Variants in TRAPPC12 observed in about 807,000 individuals in gnomAD.
The protein encoded by TRAPPC12 is TPR repeat protein 15.
A neutral mutation model predicts 69.2 loss-of-function variants in TRAPPC12; 61 were observed. The ratio of observed to expected loss-of-function variants is 0.88; its 90% CI spans 0.72 to 1.09. TRAPPC12 has a LOEUF of 1.09. TRAPPC12 is among the 50% of genes least tolerant of loss of function. The pLI is 0.00. For synonymous variants in TRAPPC12, 469 were observed against 438.9 expected, an observed-to-expected ratio of 1.07 and a Z score of -0.86; for missense variants, 1,101 against 1,016.4, an observed-to-expected ratio of 1.08 and a Z score of -1.13.
intron 5 of TRAPPC12, among the ~76,000 whole-genome samples, chr2:3,435,305 C>T (rs766859802): frequency 4.6e-5 from 7 of 152,328 alleles, no homozygotes; most frequent in East Asian, 3.9e-4. Flanking sequence ...TGAGCCACCG[C>T]GCCCAGCTGA....
chr2:3,465,704 G>A lies in TRAPPC12; in HGVS notation c.1776+9G>A. 1.9e-6 allele frequency: 3 copies of A among 1,605,708 alleles called. No homozygotes were observed. Among genetic ancestry groups the A allele is most frequent in the Non-Finnish European group, 2.6e-6 (3 of 1,172,348 alleles). On this transcript the variant is annotated intron_variant, in intron 9 of 11. Transcript: ENST00000324266. ...GCCGGATTTCCCTGCAGGTACCTGT[G>A]CACGGTCAGACATGAGCCAGAAAGG...
At position 3,379,701 on chromosome 2, in the gene TRAPPC12, G is replaced by A. The variant is rs1572503635; in HGVS notation, c.-180G>A. ...TTCCGGCCTGGGGGCAGGGCCTCGG[G>A]TTCCTGCATCGGGCCTGAGCAGAAC... is the stretch of plus-strand genomic sequence containing the variant. On this transcript the variant is annotated 5_prime_UTR_variant, in exon 1 of 12. Coordinates refer to ENST00000324266, the MANE Select transcript of TRAPPC12 (RefSeq NM_016030.6). 1 of 152,452 alleles carries A rather than the reference G, an allele frequency of 6.6e-6. No homozygotes were observed. The highest frequency in any genetic ancestry group is 1.9e-4 in the East Asian group (1 of 5,172). The allele number at this position is 152,452 out of a possible 1,614,324, so 9.4% of individuals were successfully genotyped here.
chr2:3,383,134 A>G (rs1027583389), intron 1 of TRAPPC12, among the ~76,000 whole-genome samples: 7 of 151,996 alleles, frequency 4.6e-5, no homozygotes, highest in African/African-American at 1.4e-4. Context: ...CTAATGGATC[A>G]TTTAGTGTGC....
intron 9 of TRAPPC12, among the ~76,000 whole-genome samples, chr2:3,474,666 G>T (rs1037895427): frequency 6.6e-6 from 1 of 152,206 alleles, no homozygotes; most frequent in East Asian, 1.9e-4. Context: ...TCTGGTTTGC[G>T]TGTGCACAGG....
intron 1 of TRAPPC12, among the ~76,000 whole-genome samples, chr2:3,383,934 T>C (rs1438499101): frequency 1.6e-5 from 2 of 129,010 alleles, no homozygotes; most frequent in Non-Finnish European, 3.1e-5. Context: ...TCGCTGCTGT[T>C]GCCCAGGCTG....
At chr2:3,392,271 A>G (rs2103442977) in intron 2 of TRAPPC12, among the ~76,000 whole-genome samples, 1 of 145,168 alleles carries the variant, frequency 6.9e-6, no homozygotes, top group South Asian at 2.3e-4. Context: ...TTCACCAGCA[A>G]GCCTGCCATG....
chr2:3,476,048 C>T (rs374487741), intron 9 of TRAPPC12, among the ~76,000 whole-genome samples: 2 of 152,168 alleles, frequency 1.3e-5, no homozygotes, highest in African/African-American at 2.4e-5. Flanking sequence ...CTTTTTAGTC[C>T]GCAAGTGGGA....
rs369249661 is a variant in TRAPPC12 at position 3,465,537 on chromosome 2, C to A, written c.1678-60C>A. The A allele has an allele frequency of 1.2e-4, 138 of 1,152,286 alleles. No homozygotes were observed. The African/African-American group carries it at 1.9e-3, about 15-fold the overall frequency. The allele number at this position is 1,152,286 out of a possible 1,614,324, so 71.4% of individuals were successfully genotyped here. On this transcript the variant is annotated intron_variant, in intron 8 of 11. Coordinates refer to ENST00000324266, the MANE Select transcript of TRAPPC12 (RefSeq NM_016030.6). ...CTGTATACACTTGTGCTCTTCTACA[C>A]GTGTGAAACCCACAGTGCTGTTCTC...
intron 9 of TRAPPC12, among the ~76,000 whole-genome samples, chr2:3,470,091 G>A (rs1665995240): frequency 6.6e-6 from 1 of 152,240 alleles, no homozygotes; most frequent in Non-Finnish European, 1.5e-5. Context: ...CGGGGAGAAA[G>A]CTAGGAAATG....
intron 1 of TRAPPC12, among the ~76,000 whole-genome samples, chr2:3,385,947 G>A (rs2103423267): frequency 6.6e-6 from 1 of 152,250 alleles, no homozygotes; most frequent in Non-Finnish European, 1.5e-5. Context: ...TTTGTTCTTC[G>A]GGCTCCCGGT....
At chr2:3,475,379 C>CT (rs1666249690) in intron 9 of TRAPPC12, among the ~76,000 whole-genome samples, 1 of 151,930 alleles carries the variant, frequency 6.6e-6, no homozygotes, top group Non-Finnish European at 1.5e-5. Context: ...TCCCAAAGGG[C>CT]TGAGATTACA....
intron 9 of TRAPPC12, among the ~76,000 whole-genome samples, chr2:3,475,853 C>T (rs192585913): frequency 9.2e-5 from 14 of 152,322 alleles, no homozygotes; most frequent in Admixed American, 7.2e-4. Flanking sequence ...CCCAGGCTGT[C>T]GCGAGGGTCA....
At chr2:3,418,038 C>CAAAAAAA (rs1158063900) in intron 3 of TRAPPC12, among the ~76,000 whole-genome samples, 7 of 70,170 alleles carry the variant, frequency 1.0e-4, no homozygotes, top group African/African-American at 2.7e-4. Flanking sequence ...GACTCTGTCT[C>CAAAAAAA]AAAAAAAAAA....
chr2:3,387,740 C>T lies in TRAPPC12; in HGVS notation c.117C>T (p.Gly39=), dbSNP rs752727223. ...LLFQEETIDL[G]GDEFGSEENE... ...TCCAGGAGGAAACCATCGATCTTGG[C>T]GGAGATGAGTTTGGATCCGAAGAGA... The change falls in exon 2 of 12, where the codon GGC becomes GGT. Residue 39 remains glycine, a synonymous_variant. Coordinates refer to ENST00000324266, the MANE Select transcript of TRAPPC12 (RefSeq NM_016030.6). 13 of 1,609,404 alleles carry T rather than the reference C, an allele frequency of 8.1e-6. No individual in the cohort carries two copies. Among genetic ancestry groups the T allele is most frequent in the African/African-American group, 2.7e-5 (2 of 74,752 alleles).
chr2:3,402,155 T>G (rs769129475), intron 3 of TRAPPC12, among the ~76,000 whole-genome samples: 18 of 152,256 alleles, frequency 1.2e-4, no homozygotes, highest in Non-Finnish European at 2.4e-4. Context: ...TTGAGTTTGC[T>G]TCATCATATA....
rs189368429 is a variant in TRAPPC12 at position 3,403,985 on chromosome 2, C to G, written c.1164+2092C>G. Among the ~76,000 whole-genome samples the G allele has an allele frequency of 1.8e-4, 28 of 152,322 alleles. No individual in the cohort carries two copies. The East Asian group carries it at 5.2e-3, about 28-fold the overall frequency. ...GTAACAAAATTTTTTCCTTAATTGA[C>G]TAGTTCTCTTGAATTCAGACAAATC... On this transcript the variant is annotated intron_variant, in intron 3 of 11. Transcript: ENST00000324266.
chr2:3,474,138 C>T (rs1175893301), intron 9 of TRAPPC12, among the ~76,000 whole-genome samples: 1 of 152,188 alleles, frequency 6.6e-6, no homozygotes, highest in African/African-American at 2.4e-5. Context: ...AGAACTGGAG[C>T]TCTCCCCCAC....
Position 3,388,590 on chromosome 2 carries a change from G to A in TRAPPC12, c.967G>A (p.Val323Met), listed in dbSNP as rs1301266120. The change falls in exon 2 of 12, where the codon GTG becomes ATG. Residue 323 changes from valine to methionine, a missense_variant. By Grantham distance (21) the Val-to-Met change is conservative. Coordinates refer to ENST00000324266, the MANE Select transcript of TRAPPC12 (RefSeq NM_016030.6). ...GEATRGVLRAVATQQRGAVFV... is the reference protein window; with the variant it reads ...GEATRGVLRAMATQQRGAVFV... ...GGCTACGCGTGGAGTCCTGCGGGCC[G>A]TGGCCACCCAGCAGCGCGGCGCCGT... 2.5e-6 allele frequency: 4 copies of A among 1,610,610 alleles called. No individual in the cohort carries two copies. The highest frequency in any genetic ancestry group is 1.7e-4 in the Middle Eastern group (1 of 6,048).
intron 9 of TRAPPC12, chr2:3,466,333 C>G (rs1335202890): frequency 2.1e-6 from 1 of 471,218 alleles, no homozygotes. Flanking sequence ...AAAGGAGGCA[C>G]GAGCAAGGGA....
Sources: gnomAD v4.1 joint callset for allele counts (sites outside exome capture counted in the v4.1 genomes callset) on GRCh38, gnomAD v4.1.1 for gene constraint, MANE v1.5 for transcripts, NCBI Gene and HGNC (gene_info 2026-07-23, HGNC 2026-07-21) for gene names.